Variants in RSPO4 observed in about 807,000 individuals in gnomAD.
RSPO4 encodes the protein R-spondin-4.
A neutral mutation model predicts 24.8 loss-of-function variants in RSPO4; 23 were observed. The observed-to-expected ratio is 0.93, with a 90% CI of 0.67 to 1.31. The LOEUF (loss-of-function observed/expected upper bound fraction) is 1.31. RSPO4 is among the 40% of genes most tolerant of loss of function. The pLI, the probability that RSPO4 is intolerant of heterozygous loss-of-function variation, is 0.00. For missense variants in RSPO4, 333 were observed against 316.5 expected (o/e 1.05, Z -0.39); for synonymous variants, 141 against 127.4 (o/e 1.11, Z -0.72).
chr20:976,942 C>T (rs1012083721), intron 1 of RSPO4, among the ~76,000 whole-genome samples: 1 of 152,176 alleles, frequency 6.6e-6, no homozygotes, highest in South Asian at 2.1e-4. Flanking sequence ...TGTCACAGGG[C>T]AGTGAGTGGT....
rs998305135 is a variant in RSPO4 at position 959,465 on chromosome 20, C to G, written c.*892G>C. 7 of 152,472 alleles carry G rather than the reference C, an allele frequency of 4.6e-5. No individual in the cohort carries two copies. Among genetic ancestry groups the G allele is most frequent in the Non-Finnish European group, 7.3e-5 (5 of 68,216 alleles). The allele number at this position is 152,472 out of a possible 1,614,324, so 9.4% of individuals were successfully genotyped here. On this transcript the variant is annotated 3_prime_UTR_variant, in exon 5 of 5. Coordinates refer to ENST00000217260, the MANE Select transcript of RSPO4 (RefSeq NM_001029871.4). ...GAACAGAGCTGCTGGATAATCTCAG[C>G]TTTCCTTTCCGTTTCAGTGGCCTCT...
chr20:972,703 C>T (rs140904531), intron 1 of RSPO4, among the ~76,000 whole-genome samples: 79 of 152,276 alleles, frequency 5.2e-4, no homozygotes, highest in African/African-American at 1.7e-3. Context: ...GGTCACTGGG[C>T]CTTTCTGACG....
chr20:977,789 C>T (rs1984610584), intron 1 of RSPO4, among the ~76,000 whole-genome samples: 1 of 152,204 alleles, frequency 6.6e-6, no homozygotes, highest in African/African-American at 2.4e-5. Context: ...GAGGTCCCTG[C>T]TCTGTCCTTG....
chr20:976,982 C>G (rs1295708248), intron 1 of RSPO4, among the ~76,000 whole-genome samples: 1 of 152,168 alleles, frequency 6.6e-6, no homozygotes, highest in African/African-American at 2.4e-5. Flanking sequence ...CATATGTTCC[C>G]CAGGTTACTG....
At chr20:960,559 C>G in intron 4 of RSPO4, 93 bp from the exon 5 acceptor site, 1 of 899,300 alleles carries the variant, frequency 1.1e-6, no homozygotes, top group African/African-American at 1.6e-5. Flanking sequence ...GGTGCCCCAC[C>G]CACTCCCCAA....
In RSPO4 at chr20:967,225, G is replaced by A. The variant is rs1984238425; in HGVS notation, c.358C>T (p.Pro120Ser). ...GCCAAAGTGCCCGGCGGGCAGGTGG[G>A]CAGACACTTCCCCTTGTACAAGTAA... ...QFYLYKGKCL[P>S]TCPPGTLAHQ... Residue 120 changes from proline (P) to serine (S), a missense_variant, in exon 3 of 5, where the codon CCC becomes TCC. Physicochemically the swap from Pro to Ser is moderately conservative, Grantham distance 74. Transcript: ENST00000217260. 6.2e-7 allele frequency: 1 copy of A among 1,614,024 alleles called. No homozygotes were observed. Among genetic ancestry groups the A allele is most frequent in the Non-Finnish European group, 8.5e-7 (1 of 1,180,042 alleles).
intron 1 of RSPO4, among the ~76,000 whole-genome samples, chr20:988,343 G>A (rs1468986200): frequency 6.6e-6 from 1 of 152,148 alleles, no homozygotes; most frequent in African/African-American, 2.4e-5. Context: ...GGACTGTGGG[G>A]CAGGAGTAGA....
intron 3 of RSPO4, 136 bp downstream of exon 3, chr20:967,038 A>C (rs1327575278): frequency 4.5e-5 from 36 of 794,482 alleles, no homozygotes; most frequent in Non-Finnish European, 6.3e-5. Context: ...AGTGTACCTG[A>C]CATGGTGGTG....
chr20:985,728 C>T (rs903931774), intron 1 of RSPO4, among the ~76,000 whole-genome samples: 3 of 152,224 alleles, frequency 2.0e-5, no homozygotes, highest in Non-Finnish European at 4.4e-5. Context: ...CCTCCCCAGC[C>T]CATATAAGCC....
rs1214705662 is a variant in RSPO4 at position 1,002,128 on chromosome 20, G to C, written c.37C>G (p.His13Asp). Residue 13 changes from histidine (H) to aspartate (D), a missense_variant, in exon 1 of 5, where the codon CAC becomes GAC. Physicochemically the swap from His to Asp is moderately conservative, Grantham distance 81. Transcript: ENST00000217260. The surrounding 1 kb of genome is among the most constrained non-coding windows in gnomAD (Gnocchi z 4.6). The part of the protein sequence containing the change: ...APLCLLLLVA[H>D]AVDMLALNRR... ...TTCAGGGCGAGCATGTCCACGGCGT[G>C]GGCGACGAGCAGGAGCAGGCAGAGT... 1 of 1,565,918 alleles carries C rather than the reference G, an allele frequency of 6.4e-7. No individual in the cohort carries two copies. Among genetic ancestry groups the C allele is most frequent in the Non-Finnish European group, 8.7e-7 (1 of 1,155,136 alleles).
At chr20:977,191 C>T (rs1303505827) in intron 1 of RSPO4, among the ~76,000 whole-genome samples, 1 of 152,198 alleles carries the variant, frequency 6.6e-6, no homozygotes, top group Non-Finnish European at 1.5e-5. Context: ...CTGGGCCTTA[C>T]CCTAGAGTTG....
intron 4 of RSPO4, 25 bp downstream of exon 4, chr20:963,910 C>T: frequency 6.2e-7 from 1 of 1,612,300 alleles, no homozygotes; most frequent in Non-Finnish European, 8.5e-7. Flanking sequence ...CCACCGCAGC[C>T]TCGTGTGCCT....
At chr20:998,985 CTTTTTT>C (rs537819758) in intron 1 of RSPO4, among the ~76,000 whole-genome samples, 4 of 131,832 alleles carry the variant, frequency 3.0e-5, no homozygotes, top group Non-Finnish European at 4.8e-5. Context: ...CTCTCGCTCT[CTTTTTT>C]TTTTTTTTTT....
intron 1 of RSPO4, among the ~76,000 whole-genome samples, chr20:976,615 C>T (rs763008213): frequency 6.6e-6 from 1 of 151,828 alleles, no homozygotes; most frequent in Non-Finnish European, 1.5e-5. Flanking sequence ...AGGGTCATCT[C>T]TGCCATATCA....
chr20:1,000,991 C>T (rs770333279), intron 1 of RSPO4, among the ~76,000 whole-genome samples: 2 of 152,340 alleles, frequency 1.3e-5, no homozygotes, highest in Middle Eastern at 3.4e-3. Flanking sequence ...GGCAACCCAT[C>T]CTCTCTCATT....
At chr20:1,000,738 G>C (rs1440273661) in intron 1 of RSPO4, among the ~76,000 whole-genome samples, 1 of 152,170 alleles carries the variant, frequency 6.6e-6, no homozygotes, top group Non-Finnish European at 1.5e-5. Flanking sequence ...ACTAAACAAA[G>C]GCCATTCACA....
chr20:990,951 G>C (rs1472839910), intron 1 of RSPO4, among the ~76,000 whole-genome samples: 1 of 152,206 alleles, frequency 6.6e-6, no homozygotes, highest in Non-Finnish European at 1.5e-5. Context: ...AAGGGGCGTG[G>C]ACAGAGGAGC....
At chr20:992,771 C>T (rs1985152514) in intron 1 of RSPO4, among the ~76,000 whole-genome samples, 1 of 152,218 alleles carries the variant, frequency 6.6e-6, no homozygotes, top group African/African-American at 2.4e-5. Flanking sequence ...CCCTGCGTGG[C>T]ACCAGGCCCT....
At chr20:972,934 C>T (rs113472123) in intron 1 of RSPO4, among the ~76,000 whole-genome samples, 6 of 152,260 alleles carry the variant, frequency 3.9e-5, no homozygotes, top group South Asian at 2.1e-4. Context: ...ATTTAAATTA[C>T]AGAAAAACAA....
Sources: allele counts gnomAD v4.1 joint callset (sites outside exome capture counted in the v4.1 genomes callset), GRCh38; gene constraint gnomAD v4.1.1; non-coding constraint Gnocchi (gnomAD v3.1); transcripts MANE v1.5; gene names NCBI Gene and HGNC (gene_info 2026-07-23, HGNC 2026-07-21).